The following MEN1 variants were observed in gnomAD, a reference collection of about 807,000 sequenced individuals.
The protein encoded by MEN1 is menin 1, also known as menin.
A neutral mutation model predicts 58.0 loss-of-function variants in MEN1; 6 were observed. The ratio of observed to expected loss-of-function variants is 0.10; its 90% CI spans 0.06 to 0.20. MEN1 has a LOEUF of 0.20. Ranked by LOEUF, MEN1 falls within the 10% of genes least tolerant of loss-of-function variation. The probability of loss-of-function intolerance (pLI) is 1.00; values close to 1 mark genes in which losing one functional copy is unlikely to be tolerated. For missense variants in MEN1, 492 were observed against 818.5 expected (o/e 0.60, Z 4.87); for synonymous variants, 346 against 350.7 (o/e 0.99, Z 0.15).
chr11:64,807,348 A>T lies in MEN1; in HGVS notation c.784-129T>A, dbSNP rs536461697. 1.5e-4 allele frequency: 175 copies of T among 1,182,656 alleles called. 1 individual carries two copies. The South Asian group carries it at 2.1e-3, about 14-fold the overall frequency. The allele number at this position is 1,182,656 out of a possible 1,614,324, so 73.3% of individuals were successfully genotyped here. A position where few individuals can be genotyped will look rare whatever the true frequency, so the allele number is the denominator to read the frequency against. ...CATGTGGAAGGGCCAAAATTCTGGGACCAGCCCTTTAATGGAGTCAAAGCA... is the reference window on the plus strand; with the variant it reads ...CATGTGGAAGGGCCAAAATTCTGGGTCCAGCCCTTTAATGGAGTCAAAGCA... On this transcript the variant is annotated intron_variant, in intron 4 of 9. Transcript: ENST00000450708. The surrounding 1 kb of genome is among the most constrained non-coding windows in gnomAD (Gnocchi z 4.9).
rs749844029 is a variant in MEN1 at position 64,807,936 on chromosome 11, G to A, written c.609C>T (p.Asn203=). Reference sequence around the variant, plus strand: ...TGACTGTCTGGCCCCTGCGGTCCTCGTTGCCCTTGCCGTGCCAGGTGACCT... The same window carrying A: ...TGACTGTCTGGCCCCTGCGGTCCTCATTGCCCTTGCCGTGCCAGGTGACCT... ...TAEVTWHGKG[N]EDRRGQTVNA... Residue 203 remains asparagine (N), a synonymous_variant, in exon 3 of 10, where the codon AAC becomes AAT. Transcript: ENST00000450708. The surrounding 1 kb of genome is among the most constrained non-coding windows in gnomAD (Gnocchi z 4.9). 9 of 1,614,014 alleles carry A rather than the reference G, an allele frequency of 5.6e-6. No homozygotes were observed. Among genetic ancestry groups the A allele is most frequent in the Admixed American group, 1.7e-5 (1 of 60,002 alleles).
chr11:64,807,054 T>A lies in MEN1; in HGVS notation c.869A>T (p.Glu290Val), dbSNP rs1213891703. 1 of 1,613,738 alleles carries A rather than the reference T, an allele frequency of 6.2e-7. No homozygotes were observed. The highest frequency in any genetic ancestry group is 8.5e-7 in the Non-Finnish European group (1 of 1,180,020). Residue 290 changes from glutamate to valine, a missense_variant, in exon 6 of 10, where the codon GAG becomes GTG. Around this residue, in one of 5 missense-constraint regions of MEN1, gnomAD observed 335 missense variants for 550.3 expected, o/e 0.61. Transcript: ENST00000450708. The surrounding 1 kb of genome is among the most constrained non-coding windows in gnomAD (Gnocchi z 4.9). ...TGGGTCTGGCCGGCCAGGGGTGGGC[T>A]CCAGCTCCTCTAGATCTGCCAGGTT... ...LGNLADLEEL[E>V]PTPGRPDPLT...
intron 6 of MEN1, 150 bp downstream of exon 6, chr11:64,806,861 G>A: frequency 1.3e-6 from 1 of 749,992 alleles, no homozygotes. Context: ...AGCCCTGACT[G>A]AACTGATTCT....
chr11:64,807,510 G>A lies in MEN1; in HGVS notation c.783+42C>T. 1 of 1,611,016 alleles carries A rather than the reference G, an allele frequency of 6.2e-7. No individual in the cohort carries two copies. The highest frequency in any genetic ancestry group is 8.5e-7 in the Non-Finnish European group (1 of 1,177,742). Reference sequence around the variant, plus strand: ...TGCCCAGGGTCCCACAGCAAGTCAAGTCTGGCCTAGCCCAGTCCTGCCCCA... The same window carrying A: ...TGCCCAGGGTCCCACAGCAAGTCAAATCTGGCCTAGCCCAGTCCTGCCCCA... On this transcript the variant is annotated intron_variant, in intron 4 of 9. Transcript: ENST00000450708. This position sits in a 1 kb window ranked among gnomAD's most constrained non-coding sequence, Gnocchi z 4.9.
At chr11:64,806,893 A>T in intron 6 of MEN1, 118 bp downstream of exon 6, 2 of 892,186 alleles carry the variant, frequency 2.2e-6, no homozygotes, top group Non-Finnish European at 3.6e-6. Flanking sequence ...ACACAAAGTG[A>T]GACTGGATGG....
intron 1 of MEN1, 144 bp downstream of exon 1, chr11:64,810,370 A>G (rs1942050485): frequency 1.8e-6 from 1 of 548,190 alleles, no homozygotes; most frequent in African/African-American, 1.9e-5. Flanking sequence ...GTGCGCCCCA[A>G]GCACCCCAAT....
intron 6 of MEN1, 114 bp from the exon 7 acceptor site, chr11:64,806,482 C>T: frequency 8.2e-7 from 1 of 1,226,426 alleles, no homozygotes; most frequent in Non-Finnish European, 1.2e-6. Flanking sequence ...CCAGGGAGTC[C>T]TCTCCATCTC....
rs377461506 is a variant in MEN1, at chr11:64,808,102, G to A, written c.446-3C>T. ...ACCGGAGCTGTCCAATTTGGTGCCT[G>A]TGGAAGGGGGAGGTAATGAAAGAGG... is the stretch of plus-strand genomic sequence containing the variant. On this transcript the variant is annotated splice_polypyrimidine_tract_variant and splice_region_variant and intron_variant, in intron 2 of 9. Transcript: ENST00000450708. 6.2e-7 allele frequency: 1 copy of A among 1,606,636 alleles called. No individual in the cohort carries two copies. Among genetic ancestry groups the A allele is most frequent in the South Asian group, 1.1e-5 (1 of 90,296 alleles).
chr11:64,804,286 T>C lies in MEN1; in HGVS notation c.*48A>G, dbSNP rs751711071. On this transcript the variant is annotated 3_prime_UTR_variant, in exon 10 of 10. Transcript: ENST00000450708. The surrounding 1 kb of genome is among the most constrained non-coding windows in gnomAD (Gnocchi z 4.2). ...GAACATGGGCTCAGAGTTGGGGGACTAAGGGCGGAGCCTGGGTCCCCACAA... is the reference window on the plus strand; with the variant it reads ...GAACATGGGCTCAGAGTTGGGGGACCAAGGGCGGAGCCTGGGTCCCCACAA... 9 of 1,613,352 alleles carry C rather than the reference T, an allele frequency of 5.6e-6. No individual in the cohort carries two copies. Among genetic ancestry groups the C allele is most frequent in the Non-Finnish European group, 7.6e-6 (9 of 1,179,588 alleles).
Position 64,809,744 on chromosome 11 carries a change from G to A in MEN1, c.366C>T (p.Ser122=), listed in dbSNP as rs1592658043. 6 of 1,614,130 alleles carry A rather than the reference G, an allele frequency of 3.7e-6. No homozygotes were observed. Among genetic ancestry groups the A allele is most frequent in the Non-Finnish European group, 5.1e-6 (6 of 1,180,026 alleles). The change falls in exon 2 of 10, where the codon TCC becomes TCT. Residue 122 remains serine (S), a synonymous_variant. Transcript: ENST00000450708. The part of the protein sequence containing the change: ...VSSRELVKKV[S]DVIWNSLSRS... Reference sequence around the variant, plus strand: ...GGCTGAGGCTGTTCCATATGACATCGGAGACCTTCTTCACCAGCTCACGGC... The same window carrying A: ...GGCTGAGGCTGTTCCATATGACATCAGAGACCTTCTTCACCAGCTCACGGC...
chr11:64,807,839 G>A lies in MEN1; in HGVS notation c.654+52C>T, dbSNP rs2136146308. The A allele has an allele frequency of 6.2e-7, 1 of 1,609,026 alleles. No individual in the cohort carries two copies. The highest frequency in any genetic ancestry group is 8.5e-7 in the Non-Finnish European group (1 of 1,175,704). ...CCAAGAAAATGGAGTCCCTTGGGTG[G>A]CTTGGGCTACTACAGTATGAAGGGG... is the stretch of plus-strand genomic sequence containing the variant. On this transcript the variant is annotated intron_variant, in intron 3 of 9. Coordinates refer to ENST00000450708, the MANE Select transcript of MEN1 (RefSeq NM_001370259.2). The surrounding 1 kb of genome is among the most constrained non-coding windows in gnomAD (Gnocchi z 4.9).
rs1198651608 is a variant in MEN1 at position 64,807,609 on chromosome 11, G to A, written c.726C>T (p.Ala242=). 6.2e-7 allele frequency: 1 copy of A among 1,614,054 alleles called. No individual in the cohort carries two copies. The highest frequency in any genetic ancestry group is 2.2e-5 in the East Asian group (1 of 44,902). The change falls in exon 4 of 10, where the codon GCC becomes GCT. Residue 242 remains alanine (A), a synonymous_variant. Transcript: ENST00000450708. This position sits in a 1 kb window ranked among gnomAD's most constrained non-coding sequence, Gnocchi z 4.9. ...TGTGCAGGTCAATGGAAGGGTTGAT[G>A]GCACACACCATGAACGCCACCTCCA... ...RKMEVAFMVC[A]INPSIDLHTD... is the part of the protein sequence containing the mutation.
chr11:64,805,621 C>G lies in MEN1; in HGVS notation c.1185+14G>C, dbSNP rs1194562263. ...GTGGGAGGCTGGACACAGGCTGGAG[C>G]TCCAGCCTTTCACCTGGCTTTGCTC... On this transcript the variant is annotated intron_variant, in intron 8 of 9. Transcript: ENST00000450708. The G allele has an allele frequency of 6.2e-7, 1 of 1,612,782 alleles. No homozygotes were observed. The highest frequency in any genetic ancestry group is 1.3e-5 in the African/African-American group (1 of 75,064).
rs778728934 is a variant in MEN1 at position 64,804,776 on chromosome 11, G to A, written c.1391C>T (p.Ala464Val). Residue 464 changes from alanine (A) to valine (V), a missense_variant, in exon 10 of 10, where the codon GCG becomes GTG. Physicochemically the swap from Ala to Val is moderately conservative, Grantham distance 64. Transcript: ENST00000450708. The surrounding 1 kb of genome is among the most constrained non-coding windows in gnomAD (Gnocchi z 4.2). ...KVRIVSREAEAAEAEEPWGEE... is the reference protein window; with the variant it reads ...KVRIVSREAEVAEAEEPWGEE... The stretch of plus-strand genomic sequence containing the variant: ...GCCCCACGGCTCCTCGGCCTCGGCC[G>A]CCTCGGCCTCTCGGCTCACTATGCG... The A allele has an allele frequency of 3.1e-5, 50 of 1,596,758 alleles. No homozygotes were observed. The South Asian group carries it at 5.5e-4, about 18-fold the overall frequency.
chr11:64,806,638 C>T (rs1218800199), intron 6 of MEN1, among the ~76,000 whole-genome samples: 1 of 152,146 alleles, frequency 6.6e-6, no homozygotes, highest in African/African-American at 2.4e-5. Flanking sequence ...CACTCTTCTA[C>T]ACATCACCAA....
intron 2 of MEN1, among the ~76,000 whole-genome samples, chr11:64,808,472 A>G (rs1941897476): frequency 6.6e-6 from 1 of 152,200 alleles, no homozygotes; most frequent in Non-Finnish European, 1.5e-5. Context: ...CTGGCTATAC[A>G]CCCACCAACA....
Position 64,804,670 on chromosome 11 carries a change from T to C in MEN1, c.1497A>G (p.Ala499=), listed in dbSNP as rs1057121245. 2.5e-6 allele frequency: 4 copies of C among 1,597,268 alleles called. No individual in the cohort carries two copies. In the African/African-American group the frequency reaches 4.0e-5, roughly 16 times the overall value. ...GGCCGGTGCCCAGGCCCTTGTCCAG[T>C]GCTGGCTTCTTGGGCGGCGGGGGCT... is the stretch of plus-strand genomic sequence containing the variant. ...PEEPPPPKKP[A]LDKGLGTGQG... Residue 499 remains alanine (A), a synonymous_variant, in exon 10 of 10, where the codon GCA becomes GCG. Transcript: ENST00000450708. The surrounding 1 kb of genome is among the most constrained non-coding windows in gnomAD (Gnocchi z 4.2).
At chr11:64,808,153 A>AGG in intron 2 of MEN1, 54 bp from the exon 3 acceptor site, 1 of 1,511,994 alleles carries the variant, frequency 6.6e-7, no homozygotes, top group Non-Finnish European at 8.9e-7. Context: ...ACATGGGGAA[A>AGG]GGGGGCCAGG....
At chr11:64,809,488 C>A (rs192961797) in intron 2 of MEN1, among the ~76,000 whole-genome samples, 177 bp downstream of exon 2, 2 of 152,062 alleles carry the variant, frequency 1.3e-5, no homozygotes, top group Non-Finnish European at 2.9e-5. Flanking sequence ...CCTGCCATGC[C>A]GTGTGTGACT....
Sources: allele counts gnomAD v4.1 joint callset (sites outside exome capture counted in the v4.1 genomes callset), GRCh38; gene constraint gnomAD v4.1.1; regional missense constraint gnomAD v4.1.1; non-coding constraint Gnocchi (gnomAD v3.1); transcripts MANE v1.5; gene names NCBI Gene and HGNC (gene_info 2026-07-23, HGNC 2026-07-21).